Variants in ACTR3B observed in about 807,000 individuals in gnomAD.
The protein encoded by ACTR3B is actin related protein 3B.
Under a neutral mutation model 59.0 loss-of-function variants are expected in ACTR3B, and 8 were observed. The observed-to-expected ratio is 0.14, with a 90% CI of 0.08 to 0.24. ACTR3B has a LOEUF of 0.24. Among genes scored for constraint, ACTR3B ranks in the 10% least tolerant of loss-of-function variants. The pLI, the probability that ACTR3B is intolerant of heterozygous loss-of-function variation, is 1.00. For synonymous variants in ACTR3B, 148 were observed against 197.9 expected, an observed-to-expected ratio of 0.75 and a Z score of 2.12; for missense variants, 245 against 552.3, an observed-to-expected ratio of 0.44 and a Z score of 5.58.
intron 9 of ACTR3B, among the ~76,000 whole-genome samples, chr7:152,835,205 G>A (rs1346615848): frequency 6.6e-6 from 1 of 152,312 alleles, no homozygotes; most frequent in South Asian, 2.1e-4. Context: ...TCCTAGCATC[G>A]TGACTGCACT....
At chr7:152,801,052 C>T (rs1331149164) in intron 3 of ACTR3B, among the ~76,000 whole-genome samples, 1 of 152,254 alleles carries the variant, frequency 6.6e-6, no homozygotes, top group Non-Finnish European at 1.5e-5. Flanking sequence ...TAATTAGCTG[C>T]AGTTTTCTAT....
chr7:152,829,908 C>A (rs1796890523), intron 9 of ACTR3B, among the ~76,000 whole-genome samples: 1 of 152,078 alleles, frequency 6.6e-6, no homozygotes, highest in Non-Finnish European at 1.5e-5. Flanking sequence ...TACTTGAGTA[C>A]CTACTAGGTA....
rs950651005 is a variant in ACTR3B, at chr7:152,844,334, A to G, written c.952-7792A>G. Among the ~76,000 whole-genome samples the G allele has an allele frequency of 2.6e-5, 4 of 152,168 alleles. 1 individual carries two copies. The highest frequency in any genetic ancestry group is 2.6e-4 in the Admixed American group (4 of 15,244). Reference sequence around the variant, plus strand: ...CGGCCTCCCAAAGTGCTGAGATTACAGGCATGAGCCGTCACGCCAGACCTA... The same window carrying G: ...CGGCCTCCCAAAGTGCTGAGATTACGGGCATGAGCCGTCACGCCAGACCTA... On this transcript the variant is annotated intron_variant, in intron 9 of 11. Transcript: ENST00000256001.
At chr7:152,791,494 C>A (rs559155091) in intron 2 of ACTR3B, among the ~76,000 whole-genome samples, 1 of 152,150 alleles carries the variant, frequency 6.6e-6, no homozygotes, top group Non-Finnish European at 1.5e-5. Context: ...CCTATTTTGC[C>A]CCCAAAGGTT....
intron 4 of ACTR3B, among the ~76,000 whole-genome samples, chr7:152,810,548 C>T (rs1474021621): frequency 2.6e-5 from 4 of 151,932 alleles, no homozygotes; most frequent in Non-Finnish European, 4.4e-5. Flanking sequence ...ATCCTCCTGC[C>T]TCAGCCTCCT....
At chr7:152,848,190 C>T (rs1017986321) in intron 9 of ACTR3B, among the ~76,000 whole-genome samples, 3 of 152,218 alleles carry the variant, frequency 2.0e-5, no homozygotes, top group Non-Finnish European at 2.9e-5. Context: ...CTTCGACAGT[C>T]GTCTTGGGAA....
intron 1 of ACTR3B, among the ~76,000 whole-genome samples, chr7:152,782,983 T>C (rs2098159563): frequency 1.3e-5 from 2 of 151,928 alleles, no homozygotes; most frequent in African/African-American, 2.4e-5. Flanking sequence ...AAGCATAATA[T>C]TTTAAGTTTT....
intron 10 of ACTR3B, among the ~76,000 whole-genome samples, chr7:152,852,941 G>A (rs1163881378): frequency 4.6e-5 from 7 of 151,944 alleles, no homozygotes; most frequent in East Asian, 1.9e-4. Context: ...ACAGGTGCCC[G>A]CCACCAAGCC....
intron 9 of ACTR3B, among the ~76,000 whole-genome samples, chr7:152,850,466 A>G (rs998578780): frequency 6.6e-6 from 1 of 152,088 alleles, no homozygotes; most frequent in South Asian, 2.1e-4. Context: ...AGGCCAGATC[A>G]CTGGTCACTT....
chr7:152,793,010 C>T (rs1590270209), intron 2 of ACTR3B, among the ~76,000 whole-genome samples: 1 of 145,428 alleles, frequency 6.9e-6, no homozygotes. Context: ...GAGAAATGTC[C>T]TTAGAAGCTG....
At chr7:152,818,691 C>T (rs533141983) in intron 6 of ACTR3B, among the ~76,000 whole-genome samples, 8 of 152,346 alleles carry the variant, frequency 5.3e-5, no homozygotes, top group South Asian at 2.1e-4. Flanking sequence ...TCAGGTGATC[C>T]GCCTGTCTTG....
intron 2 of ACTR3B, among the ~76,000 whole-genome samples, chr7:152,794,478 A>G (rs2098208891): frequency 6.6e-6 from 1 of 152,204 alleles, no homozygotes; most frequent in Non-Finnish European, 1.5e-5. Context: ...AGCCTCCCAC[A>G]GTGTTGGGAT....
chr7:152,803,581 G>A (rs2116751980), intron 4 of ACTR3B, among the ~76,000 whole-genome samples: 1 of 152,248 alleles, frequency 6.6e-6, no homozygotes, highest in East Asian at 1.9e-4. Context: ...TTTACTTAGA[G>A]GGACATCTAA....
At chr7:152,822,970 A>C (rs1796293270) in intron 7 of ACTR3B, among the ~76,000 whole-genome samples, 1 of 152,272 alleles carries the variant, frequency 6.6e-6, no homozygotes. Flanking sequence ...CCGCTGGTCC[A>C]GTGTGGACCA....
intron 9 of ACTR3B, among the ~76,000 whole-genome samples, chr7:152,828,460 G>GC (rs1477024889): frequency 6.6e-6 from 1 of 152,168 alleles, no homozygotes; most frequent in Non-Finnish European, 1.5e-5. Context: ...TGCACTCCCT[G>GC]CTACGCTCCC....
intron 2 of ACTR3B, among the ~76,000 whole-genome samples, chr7:152,800,082 A>G (rs1177362816): frequency 6.6e-6 from 1 of 152,236 alleles, no homozygotes; most frequent in Non-Finnish European, 1.5e-5. Context: ...TAACAAGACT[A>G]AAAGTACATT....
chr7:152,799,511 AATTATT>A (rs576650813), intron 2 of ACTR3B, among the ~76,000 whole-genome samples: 4 of 152,178 alleles, frequency 2.6e-5, no homozygotes, highest in Admixed American at 2.6e-4. Context: ...TGTAAACTTT[AATTATT>A]ATTATTAGTT....
chr7:152,780,366 ATT>A (rs1344972868), intron 1 of ACTR3B, among the ~76,000 whole-genome samples: 1 of 148,624 alleles, frequency 6.7e-6, no homozygotes, highest in Non-Finnish European at 1.5e-5. Context: ...AAAAAAAAAA[ATT>A]AATATATCTT....
chr7:152,794,690 T>C (rs1237369984), intron 2 of ACTR3B, among the ~76,000 whole-genome samples: 1 of 152,130 alleles, frequency 6.6e-6, no homozygotes, highest in African/African-American at 2.4e-5. Flanking sequence ...CAGTGTGCCA[T>C]TGAATGGTGT....
Sources: allele counts gnomAD v4.1 joint callset (sites outside exome capture counted in the v4.1 genomes callset), GRCh38; gene constraint gnomAD v4.1.1; transcripts MANE v1.5; gene names NCBI Gene and HGNC (gene_info 2026-07-23, HGNC 2026-07-21).